SNRPN: variants seen among roughly 807,000 people sequenced by gnomAD.
The protein encoded by SNRPN is small nuclear ribonucleoprotein-associated protein N.
SNRPN carries 7 observed loss-of-function variants against 25.2 expected under a neutral mutation model. The observed-to-expected ratio is 0.28, with a 90% CI of 0.16 to 0.52. The LOEUF (loss-of-function observed/expected upper bound fraction) is 0.52, where lower values mean the gene tolerates loss of function less well. Among genes scored for constraint, SNRPN ranks in the 20% least tolerant of loss-of-function variants. SNRPN has a pLI of 0.96. For missense variants in SNRPN, 196 were observed against 322.5 expected, an observed-to-expected ratio of 0.61 and a Z score of 3.00; for synonymous variants, 124 against 110.6, an observed-to-expected ratio of 1.12 and a Z score of -0.76.
intron 1 of SNRPN, among the ~76,000 whole-genome samples, chr15:24,882,725 TGAG>T (rs1048705750): frequency 3.3e-5 from 5 of 151,592 alleles, no homozygotes; most frequent in Non-Finnish European, 7.4e-5. Flanking sequence ...CTCAGGAGGC[TGAG>T]GAGAAGAATC....
chr15:24,971,224 C>T (rs2076360143), intron 3 of SNRPN, among the ~76,000 whole-genome samples: 1 of 152,066 alleles, frequency 6.6e-6, no homozygotes. Context: ...GCTTATGTGC[C>T]CTTTGATCTC....
chr15:24,875,300 G>T (rs1467942925), intron 1 of SNRPN, among the ~76,000 whole-genome samples: 1 of 152,126 alleles, frequency 6.6e-6, no homozygotes, highest in Non-Finnish European at 1.5e-5. Context: ...AAAAACCTGA[G>T]CTTGACTTTG....
At chr15:24,972,784 G>A (rs1253277931) in intron 3 of SNRPN, among the ~76,000 whole-genome samples, 1 of 129,360 alleles carries the variant, frequency 7.7e-6, no homozygotes, top group African/African-American at 3.4e-5. Context: ...GCTTGATTAC[G>A]GTCATGAGCT....
chr15:24,875,082 T>C (rs919957610), intron 1 of SNRPN, among the ~76,000 whole-genome samples: 1 of 152,360 alleles, frequency 6.6e-6, no homozygotes, highest in Non-Finnish European at 1.5e-5. Context: ...CATTTTACAA[T>C]TGACTCAAAT....
chr15:24,942,169 A>G (rs2061594826), intron 3 of SNRPN: 1 of 152,202 alleles, frequency 6.6e-6, no homozygotes, highest in South Asian at 2.1e-4. Context: ...CTGCCAGACC[A>G]GAAGAGTATG....
chr15:24,874,208 G>A (rs113663491), intron 1 of SNRPN, among the ~76,000 whole-genome samples: 13,736 of 150,456 alleles, frequency 0.091, 831 homozygotes, highest in East Asian at 0.36. Flanking sequence ...TACTTGGGAG[G>A]CTGAGGCAGG....
intron 1 of SNRPN, among the ~76,000 whole-genome samples, chr15:24,878,588 T>TA (rs1209518199): frequency 1.3e-5 from 2 of 152,268 alleles, no homozygotes; most frequent in Admixed American, 6.5e-5. Flanking sequence ...AGGCTTCGTA[T>TA]AATTGTTCTG....
At chr15:24,972,113 G>C (rs147631392) in intron 3 of SNRPN, among the ~76,000 whole-genome samples, 10 of 151,932 alleles carry the variant, frequency 6.6e-5, no homozygotes, top group Non-Finnish European at 1.5e-5. Context: ...AAAATTAGCC[G>C]GGTGTGGTGG....
chr15:24,942,406 C>A (rs1038344243), intron 3 of SNRPN: 3 of 152,188 alleles, frequency 2.0e-5, no homozygotes, highest in African/African-American at 7.2e-5. Flanking sequence ...ACTGAATCTT[C>A]AAAAGGCCTT....
At chr15:24,860,792 T>C (rs1036350734) in intron 1 of SNRPN, among the ~76,000 whole-genome samples, 3 of 152,240 alleles carry the variant, frequency 2.0e-5, no homozygotes, top group African/African-American at 7.2e-5. Flanking sequence ...GTATTGCTTT[T>C]ATTTAATTTA....
At chr15:24,895,400 A>AACACACACACACAC (rs10558727) in intron 2 of SNRPN, among the ~76,000 whole-genome samples, 2 of 147,232 alleles carry the variant, frequency 1.4e-5, no homozygotes, top group Non-Finnish European at 3.0e-5. Flanking sequence ...AATACACCCA[A>AACACACACACACAC]ACACACACAC....
At chr15:24,919,259 C>T (rs1485544750) in intron 2 of SNRPN, among the ~76,000 whole-genome samples, 1 of 151,492 alleles carries the variant, frequency 6.6e-6, no homozygotes, top group Non-Finnish European at 1.5e-5. Context: ...GAAACCCCGT[C>T]TCTACTAAAA....
At chr15:24,946,974 G>A (rs147377144) in intron 3 of SNRPN, among the ~76,000 whole-genome samples, 132 of 152,090 alleles carry the variant, frequency 8.7e-4, no homozygotes, top group East Asian at 8.1e-3. Flanking sequence ...AGTCTTTCTC[G>A]TTTTATTACA....
intron 2 of SNRPN, among the ~76,000 whole-genome samples, chr15:24,962,873 C>G (rs982721403): frequency 6.6e-6 from 1 of 151,980 alleles, no homozygotes. Context: ...AAATTTTGAT[C>G]AGTAGGTAGC....
intron 2 of SNRPN, among the ~76,000 whole-genome samples, chr15:24,897,595 T>C (rs2058155325): frequency 6.6e-6 from 1 of 152,176 alleles, no homozygotes; most frequent in Admixed American, 6.5e-5. Context: ...ATGGTTTGGC[T>C]GTGTCTCCAC....
chr15:24,965,222 T>C (rs1057040618), intron 2 of SNRPN, among the ~76,000 whole-genome samples: 8 of 152,094 alleles, frequency 5.3e-5, no homozygotes, highest in African/African-American at 1.7e-4. Flanking sequence ...CTGGAGGAGT[T>C]GTGTGGTTAT....
chr15:24,902,841 C>A (rs1255623276), intron 2 of SNRPN, among the ~76,000 whole-genome samples: 2 of 152,176 alleles, frequency 1.3e-5, no homozygotes, highest in East Asian at 3.9e-4. Flanking sequence ...TGAGCAGCAG[C>A]AAGATTTATT....
At chr15:24,958,641 TA>T (rs1220164313) in intron 1 of SNRPN, 5 of 152,226 alleles carry the variant, frequency 3.3e-5, no homozygotes, top group Non-Finnish European at 5.9e-5. Context: ...CTCTTTTTGT[TA>T]ATTCTCCTCA....
At chr15:24,849,224 C>G (rs1344280393) in intron 2 of SNRPN, 2 of 152,346 alleles carry the variant, frequency 1.3e-5, no homozygotes, top group African/African-American at 4.8e-5. Flanking sequence ...AGCCACCGCG[C>G]TCGGCCTCTA....
Sources: gnomAD v4.1 joint callset for allele counts (sites outside exome capture counted in the v4.1 genomes callset) on GRCh38, gnomAD v4.1.1 for gene constraint, MANE v1.5 for transcripts, NCBI Gene and HGNC (gene_info 2026-07-23, HGNC 2026-07-21) for gene names.